IMMP2L: variants seen among roughly 807,000 people sequenced by gnomAD.
IMMP2L encodes mitochondrial inner membrane protease subunit 2.
A neutral mutation model predicts 19.3 loss-of-function variants in IMMP2L; 18 were observed. The ratio of observed to expected loss-of-function variants is 0.93; its 90% CI spans 0.64 to 1.38. The LOEUF is 1.38. Ranked by LOEUF, IMMP2L falls within the 40% of genes most tolerant of loss-of-function variation. The pLI, the probability that IMMP2L is intolerant of heterozygous loss-of-function variation, is 0.00. For synonymous variants in IMMP2L, 76 were observed against 73.0 expected, an observed-to-expected ratio of 1.04 and a Z score of -0.21; for missense variants, 233 against 218.2, an observed-to-expected ratio of 1.07 and a Z score of -0.43.
At chr7:110,834,819 A>T (rs1358771344) in intron 5 of IMMP2L, among the ~76,000 whole-genome samples, 1 of 152,210 alleles carries the variant, frequency 6.6e-6, no homozygotes, top group Non-Finnish European at 1.5e-5. Context: ...AAGAGATTAC[A>T]GTTGGCAGTA....
At position 111,213,816 on chromosome 7, in the gene IMMP2L, T is replaced by A. The variant is rs1051763529; in HGVS notation, c.240-250251A>T. Among the ~76,000 whole-genome samples, 1 of 152,182 alleles carries A rather than the reference T, an allele frequency of 6.6e-6. No homozygotes were observed. Among genetic ancestry groups the A allele is most frequent in the Non-Finnish European group, 1.5e-5 (1 of 68,032 alleles). Reference sequence around the variant, plus strand: ...AAGGAATGACCTGCCTGCGGAGAGCTATCCAACGTGGGTCTCCTCGGAGCT... The same window carrying A: ...AAGGAATGACCTGCCTGCGGAGAGCAATCCAACGTGGGTCTCCTCGGAGCT... On this transcript the variant is annotated intron_variant, in intron 3 of 5. Coordinates refer to ENST00000405709, the MANE Select transcript of IMMP2L (RefSeq NM_032549.4). This position sits in a 1 kb window ranked among gnomAD's most constrained non-coding sequence, Gnocchi z 4.8.
chr7:111,123,362 A>G lies in IMMP2L; in HGVS notation c.240-159797T>C, dbSNP rs997554194. On this transcript the variant is annotated intron_variant, in intron 3 of 5. Transcript: ENST00000405709. The surrounding 1 kb of genome is among the most constrained non-coding windows in gnomAD (Gnocchi z 6.4). The stretch of plus-strand genomic sequence containing the variant: ...AATCTAGAGATTCTGATGATTGGGG[A>G]AAATCCAATTATCAGAATCAAAGAC... 1.1e-5 allele frequency: 17 copies of G among 1,613,528 alleles called. No individual in the cohort carries two copies. The highest frequency in any genetic ancestry group is 2.7e-5 in the African/African-American group (2 of 74,900).
intron 5 of IMMP2L, among the ~76,000 whole-genome samples, chr7:110,825,333 C>T (rs1463050317): frequency 6.6e-6 from 1 of 152,134 alleles, no homozygotes; most frequent in Non-Finnish European, 1.5e-5. Context: ...TTGGAAAAAA[C>T]TACTTTAAAG....
chr7:111,277,437 A>C (rs1819199181), intron 3 of IMMP2L, among the ~76,000 whole-genome samples: 1 of 151,970 alleles, frequency 6.6e-6, no homozygotes, highest in African/African-American at 2.4e-5. Context: ...AAGTCTAAAA[A>C]CACTGTAATT....
chr7:110,735,645 TTAGACAA>T (rs1796570655), intron 5 of IMMP2L, among the ~76,000 whole-genome samples: 1 of 101,714 alleles, frequency 9.8e-6, no homozygotes, highest in Admixed American at 1.1e-4. Flanking sequence ...TATATATATA[TTAGACAA>T]ATATATATAT....
chr7:111,105,274 G>T (rs933563663), intron 3 of IMMP2L, among the ~76,000 whole-genome samples: 1 of 151,818 alleles, frequency 6.6e-6, no homozygotes, highest in African/African-American at 2.4e-5. Flanking sequence ...CCTTCATTTT[G>T]CAACAACCTT....
At chr7:111,415,894 C>CA (rs1477723868) in intron 3 of IMMP2L, among the ~76,000 whole-genome samples, 29 of 150,548 alleles carry the variant, frequency 1.9e-4, no homozygotes, top group African/African-American at 4.0e-4. Context: ...ACAACAACAA[C>CA]AACAAAAAAA....
At position 111,103,562 on chromosome 7, in the gene IMMP2L, G is replaced by A. The variant is rs1798213363; in HGVS notation, c.240-139997C>T. 2.6e-5 allele frequency among the ~76,000 whole-genome samples: 4 copies of A among 151,496 alleles called. No individual in the cohort carries two copies. The Admixed American group carries it at 2.6e-4, about 10-fold the overall frequency. On this transcript the variant is annotated intron_variant, in intron 3 of 5. Transcript: ENST00000405709. The stretch of plus-strand genomic sequence containing the variant: ...ATTCTACAACCTTTTATGATAATCA[G>A]AGCCAAATGACATTTAAGTAGTTCT...
intron 3 of IMMP2L, among the ~76,000 whole-genome samples, chr7:110,990,573 A>C (rs566489586): frequency 6.6e-6 from 1 of 152,308 alleles, no homozygotes; most frequent in South Asian, 2.1e-4. Context: ...TATCATAGGC[A>C]CTGGGGTCAG....
At chr7:111,030,481 C>T (rs184050753) in intron 3 of IMMP2L, among the ~76,000 whole-genome samples, 114 of 138,324 alleles carry the variant, frequency 8.2e-4, no homozygotes, top group Non-Finnish European at 1.3e-3. Context: ...CACATGGGAT[C>T]TGTACAGTTA....
intron 3 of IMMP2L, among the ~76,000 whole-genome samples, chr7:111,260,479 C>A (rs1008025701): frequency 2.6e-5 from 4 of 152,072 alleles, no homozygotes; most frequent in African/African-American, 9.7e-5. Context: ...CACTACAGAG[C>A]AGAATATGGT....
intron 3 of IMMP2L, among the ~76,000 whole-genome samples, chr7:111,078,006 TA>T (rs1244150655): frequency 3.3e-5 from 5 of 152,228 alleles, no homozygotes; most frequent in Non-Finnish European, 7.3e-5. Context: ...TACTGCATGT[TA>T]ATAATCCCTC....
intron 3 of IMMP2L, among the ~76,000 whole-genome samples, chr7:111,112,099 C>T (rs1270026314): frequency 6.6e-6 from 1 of 151,486 alleles, no homozygotes; most frequent in Non-Finnish European, 1.5e-5. Flanking sequence ...AGGCGCATGC[C>T]ACCACACCCG....
At chr7:110,948,909 C>T (rs1817520285) in intron 4 of IMMP2L, among the ~76,000 whole-genome samples, 1 of 152,142 alleles carries the variant, frequency 6.6e-6, no homozygotes, top group Non-Finnish European at 1.5e-5. Context: ...CCTCTCTCTC[C>T]TAGAGCTAGG....
intron 5 of IMMP2L, among the ~76,000 whole-genome samples, chr7:110,858,455 G>C (rs747091406): frequency 6.6e-6 from 1 of 151,998 alleles, no homozygotes; most frequent in African/African-American, 2.4e-5. Flanking sequence ...AACTAACCAC[G>C]TACCAGTTTG....
intron 3 of IMMP2L, among the ~76,000 whole-genome samples, chr7:111,324,606 T>C (rs1825112113): frequency 6.6e-6 from 1 of 151,796 alleles, no homozygotes; most frequent in African/African-American, 2.4e-5. Flanking sequence ...AAATAAAAAA[T>C]TCATTCAAAA....
intron 3 of IMMP2L, among the ~76,000 whole-genome samples, chr7:111,054,304 T>C (rs2129573526): frequency 6.6e-6 from 1 of 152,328 alleles, no homozygotes; most frequent in Admixed American, 6.5e-5. Flanking sequence ...TCAGCTATTT[T>C]TTAAGCATAA....
At chr7:111,049,118 C>CT (rs1181540031) in intron 3 of IMMP2L, among the ~76,000 whole-genome samples, 2,683 of 28,000 alleles carry the variant, frequency 0.096, 122 homozygotes, top group Non-Finnish European at 0.17. Context: ...TATGATACTT[C>CT]TTTTTTTTTT....
intron 2 of IMMP2L, among the ~76,000 whole-genome samples, chr7:111,519,140 G>A (rs778990551): frequency 6.6e-6 from 1 of 152,152 alleles, no homozygotes; most frequent in Non-Finnish European, 1.5e-5. Context: ...CAAGGCAGTA[G>A]GAGCAATCTC....
Sources: gnomAD v4.1 joint callset for allele counts (sites outside exome capture counted in the v4.1 genomes callset) on GRCh38, gnomAD v4.1.1 for gene constraint, Gnocchi (gnomAD v3.1) non-coding constraint, MANE v1.5 for transcripts, NCBI Gene and HGNC (gene_info 2026-07-23, HGNC 2026-07-21) for gene names.